Variants in CRPPA observed in about 807,000 individuals in gnomAD.
CRPPA encodes the protein CDP-L-ribitol pyrophosphorylase A.
In CRPPA, 43 loss-of-function variants were observed where a neutral mutation model predicts 52.0. That is an observed-to-expected ratio of 0.83 (90% CI 0.65 to 1.07). The LOEUF (loss-of-function observed/expected upper bound fraction) is 1.07. Among genes scored for constraint, CRPPA ranks in the 50% least tolerant of loss-of-function variants. The pLI is 0.00. For missense variants in CRPPA, 629 were observed against 551.7 expected, an observed-to-expected ratio of 1.14 and a Z score of -1.40; for synonymous variants, 250 against 203.5, an observed-to-expected ratio of 1.23 and a Z score of -1.94.
intron 2 of CRPPA, among the ~76,000 whole-genome samples, chr7:16,392,320 T>C (rs1663582872): frequency 6.6e-6 from 1 of 152,154 alleles, no homozygotes; most frequent in African/African-American, 2.4e-5. Flanking sequence ...CCTTACAAAA[T>C]GGCAGAATAT....
At chr7:16,397,669 T>G (rs917699264) in intron 2 of CRPPA, among the ~76,000 whole-genome samples, 4 of 151,888 alleles carry the variant, frequency 2.6e-5, no homozygotes, top group African/African-American at 9.7e-5. Flanking sequence ...GACTAAGACG[T>G]CACCGACAAA....
At chr7:16,380,810 C>T (rs1330716898) in intron 2 of CRPPA, among the ~76,000 whole-genome samples, 12 of 152,058 alleles carry the variant, frequency 7.9e-5, no homozygotes, top group South Asian at 2.1e-4. Flanking sequence ...GATGGTAGTT[C>T]GTATTTCTGT....
chr7:16,324,263 A>C (rs554327672), intron 3 of CRPPA, among the ~76,000 whole-genome samples: 3 of 152,324 alleles, frequency 2.0e-5, no homozygotes, highest in African/African-American at 7.2e-5. Context: ...TGAACTCCAT[A>C]TTACAGACAG....
At chr7:16,313,729 C>T (rs1253393130) in intron 3 of CRPPA, among the ~76,000 whole-genome samples, 2 of 151,726 alleles carry the variant, frequency 1.3e-5, no homozygotes, top group South Asian at 2.1e-4. Context: ...CATTTTATTT[C>T]GTTCAAAATA....
At chr7:16,224,419 G>A (rs970290760) in intron 8 of CRPPA, among the ~76,000 whole-genome samples, 10 of 152,094 alleles carry the variant, frequency 6.6e-5, no homozygotes, top group Admixed American at 2.6e-4. Flanking sequence ...AAAGGCATGC[G>A]AAGGGAGTCA....
chr7:16,286,911 C>A (rs1007139356), intron 5 of CRPPA, among the ~76,000 whole-genome samples: 2 of 151,988 alleles, frequency 1.3e-5, no homozygotes, highest in Admixed American at 1.3e-4. Flanking sequence ...GTAATACAAC[C>A]CTTGTAAGTT....
intron 8 of CRPPA, among the ~76,000 whole-genome samples, chr7:16,233,139 A>C (rs1372334891): frequency 2.6e-5 from 4 of 152,098 alleles, no homozygotes; most frequent in Non-Finnish European, 5.9e-5. Context: ...TTTTAAATTA[A>C]ACAGCAAAAA....
chr7:16,367,354 G>A (rs1298857263), intron 3 of CRPPA, among the ~76,000 whole-genome samples: 1 of 152,024 alleles, frequency 6.6e-6, no homozygotes, highest in Admixed American at 6.6e-5. Context: ...GAGGAAGGCA[G>A]GAAAGGAGAA....
chr7:16,267,854 A>G (rs1783993577), intron 6 of CRPPA, among the ~76,000 whole-genome samples: 1 of 152,156 alleles, frequency 6.6e-6, no homozygotes, highest in Admixed American at 6.5e-5. Context: ...AAAAATACAA[A>G]TTTATAAAAA....
At chr7:16,302,935 G>T (rs979229682) in intron 4 of CRPPA, among the ~76,000 whole-genome samples, 1 of 152,078 alleles carries the variant, frequency 6.6e-6, no homozygotes, top group Non-Finnish European at 1.5e-5. Context: ...TCATTGTCAG[G>T]GTGTTGGGTT....
chr7:16,372,180 T>C (rs1171554331), intron 3 of CRPPA, among the ~76,000 whole-genome samples: 3 of 152,246 alleles, frequency 2.0e-5, no homozygotes, highest in Non-Finnish European at 2.9e-5. Flanking sequence ...GACATCCAAA[T>C]ACAAGCAGCT....
chr7:16,386,044 A>T (rs547207301), intron 2 of CRPPA, among the ~76,000 whole-genome samples: 9 of 152,226 alleles, frequency 5.9e-5, no homozygotes, highest in Non-Finnish European at 1.3e-4. Context: ...CTTGGTATCC[A>T]GGTCCCTGTC....
intron 8 of CRPPA, among the ~76,000 whole-genome samples, chr7:16,238,427 C>T (rs1003500323): frequency 5.9e-5 from 9 of 151,992 alleles, no homozygotes; most frequent in Non-Finnish European, 5.9e-5. Context: ...ACAGTGTGAG[C>T]ATTACTCAAT....
chr7:16,088,401 T>C lies in CRPPA; in HGVS notation c.*3294A>G, dbSNP rs980960084. Reference sequence around the variant, plus strand: ...ATGAAAATGTAACTGTAAAGTTACCTCTGGATCTCTCTTTTTTTTTTTTTT... The same window carrying C: ...ATGAAAATGTAACTGTAAAGTTACCCCTGGATCTCTCTTTTTTTTTTTTTT... On this transcript the variant is annotated 3_prime_UTR_variant, in exon 10 of 10. Transcript: ENST00000407010. 1.4e-5 allele frequency: 2 copies of C among 141,904 alleles called. No homozygotes were observed. Among genetic ancestry groups the C allele is most frequent in the African/African-American group, 2.5e-5 (1 of 40,520 alleles). The allele number at this position is 141,904 out of a possible 1,614,324, so 8.8% of individuals were successfully genotyped here. A position where few individuals can be genotyped will look rare whatever the true frequency, so the allele number is the denominator to read the frequency against.
rs913842367 is a variant in CRPPA at position 16,287,684 on chromosome 7, G to A, written c.836-9458C>T. Among the ~76,000 whole-genome samples the A allele has an allele frequency of 2.0e-5, 3 of 152,138 alleles. No homozygotes were observed. The South Asian group carries it at 6.2e-4, about 32-fold the overall frequency. ...CACCTGTAATCCCAGCACTTTGGAA[G>A]GCCAAAGCGAATGGATTGCTTGAGG... On this transcript the variant is annotated intron_variant, in intron 5 of 9. Transcript: ENST00000407010.
chr7:16,277,100 C>A (rs1784218219), intron 6 of CRPPA: 1 of 152,016 alleles, frequency 6.6e-6, no homozygotes, highest in African/African-American at 2.4e-5. Flanking sequence ...TTCAACTCAC[C>A]CAGCAACTTT....
At chr7:16,296,429 C>A (rs1784676817) in intron 5 of CRPPA, among the ~76,000 whole-genome samples, 1 of 152,042 alleles carries the variant, frequency 6.6e-6, no homozygotes, top group South Asian at 2.1e-4. Flanking sequence ...TTTTGGAGTA[C>A]AAAATGTTCT....
At chr7:16,185,633 T>C (rs1459550695) in intron 9 of CRPPA, among the ~76,000 whole-genome samples, 2 of 152,338 alleles carry the variant, frequency 1.3e-5, no homozygotes, top group East Asian at 3.9e-4. Flanking sequence ...AGTCAACTGA[T>C]GATTAAGAGA....
At chr7:16,248,874 TC>T (rs1425749315) in intron 8 of CRPPA, among the ~76,000 whole-genome samples, 4 of 152,148 alleles carry the variant, frequency 2.6e-5, no homozygotes, top group Non-Finnish European at 5.9e-5. Flanking sequence ...ACTGTGCTTT[TC>T]CCAAGGTCTT....
Sources: gnomAD v4.1 joint callset for allele counts (sites outside exome capture counted in the v4.1 genomes callset) on GRCh38, gnomAD v4.1.1 for gene constraint, MANE v1.5 for transcripts, NCBI Gene and HGNC (gene_info 2026-07-23, HGNC 2026-07-21) for gene names.